Variants in PITX1 observed in about 807,000 individuals in gnomAD.
The protein encoded by PITX1 is pituitary homeobox 1.
In PITX1, 5 loss-of-function variants were observed where a neutral mutation model predicts 24.1. The ratio of observed to expected loss-of-function variants is 0.21; its 90% confidence interval spans 0.11 to 0.44. The LOEUF (loss-of-function observed/expected upper bound fraction) is 0.44. PITX1 is among the 20% of genes least tolerant of loss of function. The pLI is 0.99. For missense variants in PITX1, 401 were observed against 455.4 expected (o/e 0.88, Z 1.09); for synonymous variants, 213 against 208.9 (o/e 1.02, Z -0.17).
chr5:135,029,279 G>A lies in PITX1; in HGVS notation c.445C>T (p.Arg149Cys), dbSNP rs1347444403. The change falls in exon 3 of 3, where the codon CGT becomes TGT. Residue 149 changes from arginine to cysteine, a missense_variant. Physicochemically the swap from Arg to Cys is radical, Grantham distance 180. Around this residue, in one of 3 missense-constraint regions of PITX1, gnomAD observed 48 missense variants for 102.2 expected, o/e 0.47. Coordinates refer to ENST00000265340, the MANE Select transcript of PITX1 (RefSeq NM_002653.5). ...TTGCACAGGTCCAGCTGCTGGTTAC[G>A]CTCGCGCTTACGCCACTTGGCTCGC... is the stretch of plus-strand genomic sequence containing the variant. ...NRRAKWRKRE[R>C]NQQLDLCKGG... 6.2e-7 allele frequency: 1 copy of A among 1,608,552 alleles called. No homozygotes were observed. Among genetic ancestry groups the A allele is most frequent in the Middle Eastern group, 1.7e-4 (1 of 6,030 alleles).
Position 135,033,959 on chromosome 5 carries a change from C to T in PITX1, c.-78G>A. 1.0e-6 allele frequency: 1 copy of T among 984,316 alleles called. No individual in the cohort carries two copies. The highest frequency in any genetic ancestry group is 3.6e-5 in the East Asian group (1 of 27,750). 61.0% of individuals were successfully genotyped at this position (984,316 alleles called of 1,614,324 possible). ...CCGCCCTGGCTGCGACCTGCGGGGA[C>T]AAGAGCGCAGCGCCTAAGCGGCTGC... On this transcript the variant is annotated 5_prime_UTR_variant, in exon 1 of 3. Coordinates refer to ENST00000265340, the MANE Select transcript of PITX1 (RefSeq NM_002653.5). This position sits in a 1 kb window ranked among gnomAD's most constrained non-coding sequence, Gnocchi z 5.9.
Position 135,029,094 on chromosome 5 carries a change from C to T in PITX1, c.630G>A (p.Ser210=). ...AGCTGGGTGCTGAGAACATGGACTG[C>T]GACGACAGCGGGCTCATGGAGTTGA... is the stretch of plus-strand genomic sequence containing the variant. ...TFFNSMSPLS[S]QSMFSAPSSI... Residue 210 remains serine (S), a synonymous_variant, in exon 3 of 3, where the codon TCG becomes TCA. Coordinates refer to ENST00000265340, the MANE Select transcript of PITX1 (RefSeq NM_002653.5). 6.2e-7 allele frequency: 1 copy of T among 1,614,152 alleles called. No individual in the cohort carries two copies. The highest frequency in any genetic ancestry group is 8.5e-7 in the Non-Finnish European group (1 of 1,180,018).
At chr5:135,032,768 T>A (rs1020758113) in intron 1 of PITX1, 1 of 282,808 alleles carries the variant, frequency 3.5e-6, no homozygotes, top group African/African-American at 2.3e-5. Flanking sequence ...AAAGTAGAGT[T>A]CAGCGTTGAT....
intron 1 of PITX1, among the ~76,000 whole-genome samples, chr5:135,032,379 G>A (rs887604419): frequency 1.3e-5 from 2 of 152,150 alleles, no homozygotes; most frequent in Non-Finnish European, 2.9e-5. Flanking sequence ...AAAAAATAAT[G>A]TACCGTTGTA....
In PITX1 at chr5:135,028,825, A is replaced by G; in HGVS notation, c.899T>C (p.Leu300Pro). The change falls in exon 3 of 3, where the codon CTG becomes CCG. Residue 300 changes from leucine to proline, a missense_variant. Transcript: ENST00000265340. Reference sequence around the variant, plus strand: ...GTTGAGGCCCGAGGCCGGGCCCTGCAGGCCGCCGTAGCCAAACGACGAGTG... The same window carrying G: ...GTTGAGGCCCGAGGCCGGGCCCTGCGGGCCGCCGTAGCCAAACGACGAGTG... Reference protein sequence around the residue: ...KQHSSFGYGGLQGPASGLNAC... With the variant: ...KQHSSFGYGGPQGPASGLNAC... 1.9e-6 allele frequency: 3 copies of G among 1,612,374 alleles called. No individual in the cohort carries two copies. Among genetic ancestry groups the G allele is most frequent in the Non-Finnish European group, 2.5e-6 (3 of 1,179,570 alleles).
chr5:135,029,895 C>T (rs1752419629), intron 2 of PITX1, among the ~76,000 whole-genome samples: 2 of 152,164 alleles, frequency 1.3e-5, no homozygotes, highest in African/African-American at 4.8e-5. Flanking sequence ...GTTTATCCCC[C>T]ATTTTTGATC....
rs1329800394 is a variant in PITX1 at position 135,033,314 on chromosome 5, GTCTC to G, written c.169+395_169+398del. 3.6e-5 allele frequency: 10 copies of G among 276,022 alleles called. No individual in the cohort carries two copies. Among genetic ancestry groups the G allele is most frequent in the East Asian group, 1.4e-4 (1 of 7,306 alleles). The allele number at this position is 276,022 out of a possible 1,614,324, so 17.1% of individuals were successfully genotyped here. A position where few individuals can be genotyped will look rare whatever the true frequency, so the allele number is the denominator to read the frequency against. Reference sequence around the variant, plus strand: ...TGTCACGGTGTTAACCTCCCTCTCTGTCTCTCTGAGTGCGTTCTCTCGCCCGTCA... The same window carrying G: ...TGTCACGGTGTTAACCTCCCTCTCTGTCTGAGTGCGTTCTCTCGCCCGTCA... On this transcript the variant is annotated intron_variant, in intron 1 of 2. Transcript: ENST00000265340. The surrounding 1 kb of genome is among the most constrained non-coding windows in gnomAD (Gnocchi z 5.9).
At chr5:135,029,544 A>G (rs995091455) in intron 2 of PITX1, among the ~76,000 whole-genome samples, 1 of 152,248 alleles carries the variant, frequency 6.6e-6, no homozygotes, top group African/African-American at 2.4e-5. Context: ...CCGAAATTAT[A>G]TCCGTTTTCT....
upstream of PITX1, chr5:135,034,371 G>C (rs1312605702): frequency 1.3e-5 from 2 of 152,014 alleles, no homozygotes; most frequent in African/African-American, 4.8e-5. Flanking sequence ...CGCCCGCGCC[G>C]CCGCGCCCTC....
rs1752448219 is a variant in PITX1 at position 135,031,501 on chromosome 5, C to G, written c.177G>C (p.Glu59Asp). 1 of 1,610,748 alleles carries G rather than the reference C, an allele frequency of 6.2e-7. No individual in the cohort carries two copies. Among genetic ancestry groups the G allele is most frequent in the African/African-American group, 1.3e-5 (1 of 74,926 alleles). The change falls in exon 2 of 3, where the codon GAG becomes GAC. Residue 59 changes from glutamate (E) to aspartate (D), a missense_variant. By Grantham distance (45) the Glu-to-Asp change is conservative. Around this residue, in one of 3 missense-constraint regions of PITX1, gnomAD observed 136 missense variants for 133.3 expected, o/e 1.02. Coordinates refer to ENST00000265340, the MANE Select transcript of PITX1 (RefSeq NM_002653.5). ...ESSDTELPEK[E>D]RGGEPKGPED... ...CGGGCCCCTTGGGTTCCCCGCCGCG[C>G]TCCTTCTCTGCAGTAGGCAGGACGG...
chr5:135,030,699 C>T (rs1297401330), intron 2 of PITX1, among the ~76,000 whole-genome samples: 2 of 152,158 alleles, frequency 1.3e-5, no homozygotes, highest in East Asian at 1.9e-4. Context: ...GGAGACCTTC[C>T]GGAAAGGGCA....
Position 135,033,641 on chromosome 5 carries a change from G to A in PITX1, c.169+72C>T. On this transcript the variant is annotated intron_variant, in intron 1 of 2. Coordinates refer to ENST00000265340, the MANE Select transcript of PITX1 (RefSeq NM_002653.5). This position sits in a 1 kb window ranked among gnomAD's most constrained non-coding sequence, Gnocchi z 5.9. ...CTTGGTTGCGCGGCGCGGGCGTCAG[G>A]CCCTGCTCCCAGCTCCCCGTGCTCC... 1 of 1,477,464 alleles carries A rather than the reference G, an allele frequency of 6.8e-7. No homozygotes were observed. Among genetic ancestry groups the A allele is most frequent in the Non-Finnish European group, 9.2e-7 (1 of 1,083,080 alleles). The allele number at this position is 1,477,464 out of a possible 1,614,324, so 91.5% of individuals were successfully genotyped here. A position where few individuals can be genotyped will look rare whatever the true frequency, so the allele number is the denominator to read the frequency against.
rs1752525367 is a variant in PITX1, at chr5:135,034,184, G to C, written c.-303C>G. The C allele has an allele frequency of 6.6e-6, 1 of 151,966 alleles. No homozygotes were observed. Among genetic ancestry groups the C allele is most frequent in the African/African-American group, 2.4e-5 (1 of 41,346 alleles). 9.4% of individuals were successfully genotyped at this position (151,966 alleles called of 1,614,324 possible). On this transcript the variant is annotated 5_prime_UTR_variant, in exon 1 of 3. Coordinates refer to ENST00000265340, the MANE Select transcript of PITX1 (RefSeq NM_002653.5). ...GGCTCCGGCTCCGGCTCGCGATCCG[G>C]GGCCGGTTTCTAAGGCTCCGGACGG...
rs10716861 is a variant in PITX1 at position 135,033,031 on chromosome 5, CAA to C, written c.169+680_169+681del. 2.2e-6 allele frequency: 1 copy of C among 448,454 alleles called. No individual in the cohort carries two copies. The highest frequency in any genetic ancestry group is 4.5e-6 in the Non-Finnish European group (1 of 223,528). The allele number at this position is 448,454 out of a possible 1,614,324, so 27.8% of individuals were successfully genotyped here. A position where few individuals can be genotyped will look rare whatever the true frequency, so the allele number is the denominator to read the frequency against. On this transcript the variant is annotated intron_variant, in intron 1 of 2. Transcript: ENST00000265340. This position sits in a 1 kb window ranked among gnomAD's most constrained non-coding sequence, Gnocchi z 5.9. ...TGCTGGAAAAAAGCTCCAGCTCGGA[CAA>C]AAAAAGGCAGCGCGGAGGGAGACGC... is the stretch of plus-strand genomic sequence containing the variant.
rs1453741800 is a variant in PITX1 at position 135,029,039 on chromosome 5, T to A, written c.685A>T (p.Met229Leu). Reference protein sequence around the residue: ...SISSMTMPSSMGPGAVPGMPN... With the variant: ...SISSMTMPSSLGPGAVPGMPN... Reference sequence around the variant, plus strand: ...ATGCCAGGCACGGCGCCTGGGCCCATGCTGGACGGCATGGTCATGGAGGAG... The same window carrying A: ...ATGCCAGGCACGGCGCCTGGGCCCAAGCTGGACGGCATGGTCATGGAGGAG... The change falls in exon 3 of 3, where the codon ATG (methionine) becomes TTG (leucine). Residue 229 changes from methionine to leucine, a missense_variant. Met to Leu is a conservative substitution (Grantham distance 15, BLOSUM62 2). This residue lies in a region of PITX1 where 217 missense variants were observed against 219.8 expected (regional missense o/e 0.99). Coordinates refer to ENST00000265340, the MANE Select transcript of PITX1 (RefSeq NM_002653.5). The A allele has an allele frequency of 6.2e-7, 1 of 1,614,206 alleles. No homozygotes were observed. The highest frequency in any genetic ancestry group is 1.3e-5 in the African/African-American group (1 of 75,056).
At position 135,029,312 on chromosome 5, in the gene PITX1, T is replaced by G. The variant is rs1752408637; in HGVS notation, c.412A>C (p.Lys138Gln). 1 of 1,595,294 alleles carries G rather than the reference T, an allele frequency of 6.3e-7. No individual in the cohort carries two copies. The highest frequency in any genetic ancestry group is 8.5e-7 in the Non-Finnish European group (1 of 1,169,804). Residue 138 changes from lysine (K) to glutamine (Q), a missense_variant, in exon 3 of 3, where the codon AAG (lysine) becomes CAG (glutamine). Around this residue, in one of 3 missense-constraint regions of PITX1, gnomAD observed 48 missense variants for 102.2 expected, o/e 0.47. Transcript: ENST00000265340. ...LTEPRVRVWF[K>Q]NRRAKWRKRE... ...TTACGCCACTTGGCTCGCCGGTTCT[T>G]GAACCAGACCTGGGGGAGGGGACGG... is the stretch of plus-strand genomic sequence containing the variant.
At chr5:135,031,708 GAGAAGAGCCCA>G in intron 1 of PITX1, 200 bp from the exon 2 acceptor site, 1 of 599,960 alleles carries the variant, frequency 1.7e-6, no homozygotes, top group East Asian at 2.8e-5. Flanking sequence ...GTGTGCCGCG[GAGAAGAGCCCA>G]AGAATCGGAG....
chr5:135,034,471 C>T (rs1485813359), upstream of PITX1: 6 of 152,320 alleles, frequency 3.9e-5, no homozygotes, highest in Non-Finnish European at 8.8e-5. Context: ...GCGGCCTCGC[C>T]GCGCCTCTCC....
At chr5:135,031,023 T>C (rs1220663469) in intron 2 of PITX1, among the ~76,000 whole-genome samples, 1 of 152,118 alleles carries the variant, frequency 6.6e-6, no homozygotes, top group Admixed American at 6.5e-5. Context: ...CACAGGTCTT[T>C]GGGCTGGGGT....
Sources: gnomAD v4.1 joint callset for allele counts (sites outside exome capture counted in the v4.1 genomes callset) on GRCh38, gnomAD v4.1.1 for gene constraint, gnomAD v4.1.1 regional missense constraint, Gnocchi (gnomAD v3.1) non-coding constraint, MANE v1.5 for transcripts, NCBI Gene and HGNC (gene_info 2026-07-23, HGNC 2026-07-21) for gene names.